TMEM163: variants seen among roughly 807,000 people sequenced by gnomAD.
TMEM163 encodes the protein transmembrane protein 163.
In TMEM163, 17 loss-of-function variants were observed where a neutral mutation model predicts 29.3. The ratio of observed to expected loss-of-function variants is 0.58; its 90% CI spans 0.40 to 0.87. The LOEUF (loss-of-function observed/expected upper bound fraction) is 0.87, where lower values mean the gene tolerates loss of function less well. TMEM163 is among the 40% of genes least tolerant of loss of function. The pLI, the probability that TMEM163 is intolerant of heterozygous loss-of-function variation, is 0.00. For synonymous variants in TMEM163, 157 were observed against 160.6 expected (o/e 0.98, Z 0.17); for missense variants, 303 against 381.5 (o/e 0.79, Z 1.71).
chr2:134,468,006 G>A (rs1349820573), intron 5 of TMEM163: 1 of 152,344 alleles, frequency 6.6e-6, no homozygotes, highest in East Asian at 1.9e-4. Context: ...CCTATGCAGA[G>A]GTTACACAGC....
At chr2:134,614,028 G>A (rs1213083236) in intron 2 of TMEM163, among the ~76,000 whole-genome samples, 1 of 151,908 alleles carries the variant, frequency 6.6e-6, no homozygotes, top group Non-Finnish European at 1.5e-5. Flanking sequence ...AAACAACAGA[G>A]AAAGAAGAAA....
intron 4 of TMEM163, among the ~76,000 whole-genome samples, chr2:134,507,855 T>TCACA (rs140934225): frequency 2.0e-5 from 3 of 150,572 alleles, no homozygotes; most frequent in East Asian, 1.9e-4. Flanking sequence ...AGACCCTGTC[T>TCACA]CACACACACA....
chr2:134,613,047 G>A (rs925578896), intron 2 of TMEM163, among the ~76,000 whole-genome samples: 14 of 152,086 alleles, frequency 9.2e-5, no homozygotes, highest in African/African-American at 3.4e-4. Context: ...AGCAAATAGA[G>A]ACTATCAGTA....
intron 2 of TMEM163, among the ~76,000 whole-genome samples, chr2:134,630,803 GC>G (rs1408030137): frequency 1.3e-5 from 2 of 152,186 alleles, no homozygotes; most frequent in Non-Finnish European, 2.9e-5. Context: ...TGTCTAGGAT[GC>G]TTTTTGAAAC....
chr2:134,473,496 T>C (rs531396303), intron 5 of TMEM163, among the ~76,000 whole-genome samples: 35 of 149,778 alleles, frequency 2.3e-4, no homozygotes, highest in Non-Finnish European at 4.4e-5. Flanking sequence ...GATCACACCA[T>C]TGCACTCTAG....
chr2:134,704,676 T>C (rs1684769943), intron 2 of TMEM163, among the ~76,000 whole-genome samples: 1 of 151,742 alleles, frequency 6.6e-6, no homozygotes, highest in African/African-American at 2.4e-5. Context: ...GTACATGAGG[T>C]CAGTCTCATG....
At chr2:134,579,429 A>G (rs957197832) in intron 2 of TMEM163, among the ~76,000 whole-genome samples, 1 of 152,178 alleles carries the variant, frequency 6.6e-6, no homozygotes, top group Non-Finnish European at 1.5e-5. Context: ...TGATTTTTTA[A>G]AAACAAATAT....
chr2:134,707,407 A>G (rs1222769859), intron 2 of TMEM163, among the ~76,000 whole-genome samples: 1 of 152,200 alleles, frequency 6.6e-6, no homozygotes, highest in Non-Finnish European at 1.5e-5. Flanking sequence ...CGGAAGAGAG[A>G]GACTTTAGGA....
intron 2 of TMEM163, among the ~76,000 whole-genome samples, chr2:134,593,789 C>A (rs1343212013): frequency 1.3e-5 from 2 of 151,574 alleles, no homozygotes; most frequent in Non-Finnish European, 1.5e-5. Flanking sequence ...AAATTGAAGA[C>A]TACGACACTG....
chr2:134,527,365 A>G (rs1680318385), intron 4 of TMEM163, among the ~76,000 whole-genome samples: 2 of 152,332 alleles, frequency 1.3e-5, no homozygotes, highest in African/African-American at 2.4e-5. Context: ...GAAACCTTAG[A>G]AAGTATATTA....
intron 4 of TMEM163, among the ~76,000 whole-genome samples, chr2:134,541,656 T>C (rs143122912): frequency 4.3e-4 from 66 of 152,318 alleles, no homozygotes; most frequent in African/African-American, 1.6e-3. Flanking sequence ...TATTTATCCA[T>C]GGAAAGATGT....
At chr2:134,675,208 A>G (rs1018178175) in intron 2 of TMEM163, among the ~76,000 whole-genome samples, 1 of 152,230 alleles carries the variant, frequency 6.6e-6, no homozygotes, top group Non-Finnish European at 1.5e-5. Context: ...TTCCTGTTAA[A>G]ATTTCATTTT....
chr2:134,543,920 T>G (rs886103277), intron 4 of TMEM163, among the ~76,000 whole-genome samples: 1 of 152,144 alleles, frequency 6.6e-6, no homozygotes, highest in Non-Finnish European at 1.5e-5. Context: ...GGGAGGTACA[T>G]TGGAACAGGA....
intron 4 of TMEM163, among the ~76,000 whole-genome samples, chr2:134,525,471 C>T (rs1424819031): frequency 6.6e-6 from 1 of 152,194 alleles, no homozygotes; most frequent in African/African-American, 2.4e-5. Flanking sequence ...ATTAAAGAAG[C>T]CCCCATTTTG....
chr2:134,507,133 TCAAGAC>T (rs1176307111), intron 4 of TMEM163, among the ~76,000 whole-genome samples: 1 of 151,316 alleles, frequency 6.6e-6, no homozygotes, highest in African/African-American at 2.4e-5. Context: ...GGTCGGGAGG[TCAAGAC>T]CAGCCTGCCC....
At chr2:134,515,865 A>G (rs539320353) in intron 4 of TMEM163, among the ~76,000 whole-genome samples, 1 of 152,342 alleles carries the variant, frequency 6.6e-6, no homozygotes, top group Admixed American at 6.5e-5. Flanking sequence ...TGTAACAAAA[A>G]CAAAATTTCT....
intron 2 of TMEM163, among the ~76,000 whole-genome samples, chr2:134,646,194 T>C (rs1261692081): frequency 6.6e-6 from 1 of 152,026 alleles, no homozygotes; most frequent in Non-Finnish European, 1.5e-5. Context: ...AAAGGATTTT[T>C]CCGCCTCAGC....
intron 2 of TMEM163, among the ~76,000 whole-genome samples, chr2:134,591,424 C>G (rs1681932137): frequency 6.6e-6 from 1 of 152,218 alleles, no homozygotes; most frequent in African/African-American, 2.4e-5. Context: ...GGCTTCTTTA[C>G]TGCAACCTGT....
chr2:134,472,649 A>G (rs1686830887), intron 5 of TMEM163, among the ~76,000 whole-genome samples: 1 of 152,266 alleles, frequency 6.6e-6, no homozygotes, highest in South Asian at 2.1e-4. Flanking sequence ...CATATGGGCC[A>G]TTCATTACAG....
Sources: gnomAD v4.1 joint callset for allele counts (sites outside exome capture counted in the v4.1 genomes callset) on GRCh38, gnomAD v4.1.1 for gene constraint, MANE v1.5 for transcripts, NCBI Gene and HGNC (gene_info 2026-07-23, HGNC 2026-07-21) for gene names.